The following INTS10 variants were observed in gnomAD, a reference collection of about 807,000 sequenced individuals.
INTS10 encodes integrator complex subunit 10.
Under a neutral mutation model 94.4 loss-of-function variants are expected in INTS10, and 44 were observed. That is an observed-to-expected ratio of 0.47 (90% CI 0.37 to 0.60). The LOEUF (loss-of-function observed/expected upper bound fraction) is 0.60, where lower values mean the gene tolerates loss of function less well. INTS10 is among the 20% of genes least tolerant of loss of function. The pLI, the probability that INTS10 is intolerant of heterozygous loss-of-function variation, is 0.00. For synonymous variants in INTS10, 341 were observed against 320.7 expected (o/e 1.06, Z -0.68); for missense variants, 797 against 868.7 (o/e 0.92, Z 1.04).
intron 2 of INTS10, 33 bp downstream of exon 2, chr8:19,818,375 A>C (rs1272263813): frequency 6.2e-7 from 1 of 1,600,484 alleles, no homozygotes; most frequent in East Asian, 2.3e-5. Context: ...CTTTTACTGC[A>C]CTGAATCTCT....
rs559683330 is a variant in INTS10 at position 19,842,791 on chromosome 8, A to C, written c.1640-57A>C. 24 of 1,194,212 alleles carry C rather than the reference A, an allele frequency of 2.0e-5. No homozygotes were observed. The South Asian group carries it at 3.0e-4, about 15-fold the overall frequency. 74.0% of individuals were successfully genotyped at this position (1,194,212 alleles called of 1,614,324 possible). A position where few individuals can be genotyped will look rare whatever the true frequency, so the allele number is the denominator to read the frequency against. Reference sequence around the variant, plus strand: ...AAAGCATCTTAAACAGTTGCCTTTCAAAGCTGTTATCTTTGATAATAACAT... The same window carrying C: ...AAAGCATCTTAAACAGTTGCCTTTCCAAGCTGTTATCTTTGATAATAACAT... On this transcript the variant is annotated intron_variant, in intron 13 of 16. Coordinates refer to ENST00000397977, the MANE Select transcript of INTS10 (RefSeq NM_018142.4).
intron 4 of INTS10, chr8:19,821,553 A>G (rs1192200107): frequency 6.6e-6 from 1 of 152,250 alleles, no homozygotes; most frequent in Admixed American, 6.5e-5. Flanking sequence ...GGTTCTACCA[A>G]TTCTCATGCC....
At chr8:19,847,654 T>C (rs1179269917) in intron 16 of INTS10, among the ~76,000 whole-genome samples, 4 of 152,242 alleles carry the variant, frequency 2.6e-5, no homozygotes, top group African/African-American at 9.6e-5. Flanking sequence ...GTGTGAGAGA[T>C]GGATTGTCAA....
Position 19,832,060 on chromosome 8 carries a change from G to A in INTS10, c.1327G>A (p.Asp443Asn). The change falls in exon 11 of 17, where the codon GAT becomes AAT. Residue 443 changes from aspartate to asparagine, a missense_variant. Asp to Asn is a conservative substitution (Grantham distance 23, BLOSUM62 1). This residue lies in a region of INTS10 where 734 missense variants were observed against 787.8 expected (regional missense o/e 0.93). Transcript: ENST00000397977. ...FTRICLAWKT[D>N]TWLWLRIFLT... is the part of the protein sequence containing the mutation. ...AAGGATTTGCTTGGCCTGGAAGACG[G>A]ATACTTGGCTTTGGTTAAGAATCTT... 1 of 1,608,278 alleles carries A rather than the reference G, an allele frequency of 6.2e-7. No individual in the cohort carries two copies.
At chr8:19,840,062 CAAAAAAA>C (rs56275270) in intron 13 of INTS10, among the ~76,000 whole-genome samples, 4 of 70,332 alleles carry the variant, frequency 5.7e-5, no homozygotes, top group African/African-American at 1.1e-4. Flanking sequence ...GACCTTGTCT[CAAAAAAA>C]AAAAAAAAAA....
intron 7 of INTS10, chr8:19,824,384 C>T (rs3853254): frequency 0.71 from 135,494 of 190,180 alleles, 48,468 homozygotes; most frequent in Non-Finnish European, 0.74. Flanking sequence ...CCCAGCTACT[C>T]GGGAGGCTGA....
rs1338219567 is a variant in INTS10 at position 19,849,382 on chromosome 8, T to C, written c.1977-2267T>C. 6.2e-6 allele frequency: 2 copies of C among 320,454 alleles called. No homozygotes were observed. Among genetic ancestry groups the C allele is most frequent in the African/African-American group, 4.4e-5 (2 of 45,778 alleles). The allele number at this position is 320,454 out of a possible 1,614,324, so 19.9% of individuals were successfully genotyped here. ...TTGTTCCGCATTTTGGCAAACCATC[T>C]GGTTGTAATATTGTAACATTTCTTA... On this transcript the variant is annotated intron_variant, in intron 16 of 16. Transcript: ENST00000397977. The surrounding 1 kb of genome is among the most constrained non-coding windows in gnomAD (Gnocchi z 4.6).
At chr8:19,822,079 A>G (rs2066423634) in intron 4 of INTS10, 1 of 171,344 alleles carries the variant, frequency 5.8e-6, no homozygotes, top group African/African-American at 2.4e-5. Flanking sequence ...GAATAACCTT[A>G]GTTTCTTTAT....
chr8:19,841,312 A>C (rs951086311), intron 13 of INTS10, among the ~76,000 whole-genome samples: 10 of 152,254 alleles, frequency 6.6e-5, no homozygotes, highest in Admixed American at 3.9e-4. Context: ...TAGAAAGATT[A>C]GTAAATTTGA....
chr8:19,824,774 A>T (rs1184172432), intron 7 of INTS10, 29 bp from the exon 8 acceptor site: 1 of 1,556,736 alleles, frequency 6.4e-7, no homozygotes, highest in Non-Finnish European at 8.8e-7. Flanking sequence ...AGAGTAATCA[A>T]ATAAGTTTCA....
At position 19,849,546 on chromosome 8, in the gene INTS10, A is replaced by G. The variant is rs569740872; in HGVS notation, c.1977-2103A>G. On this transcript the variant is annotated intron_variant, in intron 16 of 16. Coordinates refer to ENST00000397977, the MANE Select transcript of INTS10 (RefSeq NM_018142.4). The surrounding 1 kb of genome is among the most constrained non-coding windows in gnomAD (Gnocchi z 4.6). ...AGGTGCACCATGATTCTCTTTTGAT[A>G]AAACGTTAAGGCTTTCGGTCATATA... Among the ~76,000 whole-genome samples, 49 of 152,326 alleles carry G rather than the reference A, an allele frequency of 3.2e-4. No individual in the cohort carries two copies. The highest frequency in any genetic ancestry group is 4.0e-4 in the Non-Finnish European group (27 of 68,026).
intron 9 of INTS10, among the ~76,000 whole-genome samples, chr8:19,827,721 C>T (rs2066912670): frequency 6.6e-6 from 1 of 152,148 alleles, no homozygotes; most frequent in Admixed American, 6.5e-5. Flanking sequence ...TTCTCATAAC[C>T]TGGCCTTCTA....
intron 10 of INTS10, among the ~76,000 whole-genome samples, chr8:19,831,796 G>A (rs2067247517): frequency 6.6e-6 from 1 of 152,204 alleles, no homozygotes; most frequent in Admixed American, 6.5e-5. Context: ...TTGGCACCTG[G>A]TATGTGCTCA....
At position 19,833,193 on chromosome 8, in the gene INTS10, A is replaced by T; in HGVS notation, c.1402A>T (p.Ser468Cys). 6.2e-7 allele frequency: 1 copy of T among 1,608,852 alleles called. No homozygotes were observed. Among genetic ancestry groups the T allele is most frequent in the East Asian group, 2.2e-5 (1 of 44,638 alleles). Residue 468 changes from serine (S) to cysteine (C), a missense_variant, in exon 12 of 17, where the codon AGC becomes TGC. This residue lies in a region of INTS10 where 734 missense variants were observed against 787.8 expected (regional missense o/e 0.93). Coordinates refer to ENST00000397977, the MANE Select transcript of INTS10 (RefSeq NM_018142.4). ...YQGQYKKAIA[S>C]LHHLAALQGS... ...GGGTCAATATAAAAAGGCGATAGCC[A>T]GCCTGCATCACTTAGCAGCTCTCCA...
At chr8:19,839,736 A>G (rs2067968781) in intron 13 of INTS10, among the ~76,000 whole-genome samples, 1 of 151,886 alleles carries the variant, frequency 6.6e-6, no homozygotes, top group Admixed American at 6.6e-5. Context: ...ACAGTTACAT[A>G]TTTGGCTATG....
chr8:19,827,672 G>GT (rs962292572), intron 9 of INTS10, among the ~76,000 whole-genome samples: 139 of 151,740 alleles, frequency 9.2e-4, no homozygotes, highest in African/African-American at 3.1e-3. Flanking sequence ...CTTCCTTCCG[G>GT]TTTTTTTTGC....
intron 12 of INTS10, among the ~76,000 whole-genome samples, chr8:19,835,273 G>A (rs1013565561): frequency 2.0e-5 from 3 of 151,858 alleles, no homozygotes; most frequent in Non-Finnish European, 4.4e-5. Flanking sequence ...AATTATAATC[G>A]TTGCTTTCTA....
At position 19,817,474 on chromosome 8, in the gene INTS10, G is replaced by A. The variant is rs1448263297; in HGVS notation, c.-64G>A. On this transcript the variant is annotated 5_prime_UTR_variant, in exon 1 of 17. Transcript: ENST00000397977. ...CGGCGGCGGCGGTGGCTGCCGTGGC[G>A]GCTGAGAGTCCAGAGCCGGACGTTC... 4.5e-6 allele frequency: 7 copies of A among 1,556,524 alleles called. No individual in the cohort carries two copies. Among genetic ancestry groups the A allele is most frequent in the East Asian group, 4.7e-5 (2 of 42,662 alleles).
chr8:19,819,425 A>G lies in INTS10; in HGVS notation c.198-148A>G. ...CATTTTTATAAATCAAGTAATTCTT[A>G]TTTTTACATTTTTATTTTGGTTTGT... On this transcript the variant is annotated intron_variant, in intron 2 of 16. Coordinates refer to ENST00000397977, the MANE Select transcript of INTS10 (RefSeq NM_018142.4). 2 of 528,618 alleles carry G rather than the reference A, an allele frequency of 3.8e-6. 1 individual carries two copies. Among genetic ancestry groups the G allele is most frequent in the East Asian group, 6.1e-5 (2 of 32,890 alleles). 32.7% of individuals were successfully genotyped at this position (528,618 alleles called of 1,614,324 possible).
Sources: gnomAD v4.1 joint callset for allele counts (sites outside exome capture counted in the v4.1 genomes callset) on GRCh38, gnomAD v4.1.1 for gene constraint, gnomAD v4.1.1 regional missense constraint, Gnocchi (gnomAD v3.1) non-coding constraint, MANE v1.5 for transcripts, NCBI Gene and HGNC (gene_info 2026-07-23, HGNC 2026-07-21) for gene names.